SPOCK1: variants seen among roughly 807,000 people sequenced by gnomAD.
The protein encoded by SPOCK1 is testican-1.
A neutral mutation model predicts 55.3 loss-of-function variants in SPOCK1; 23 were observed. The observed-to-expected ratio is 0.42, with a 90% CI of 0.30 to 0.59. The LOEUF is 0.59. Among genes scored for constraint, SPOCK1 ranks in the 20% least tolerant of loss-of-function variants. The probability of loss-of-function intolerance (pLI) is 0.22; values close to 1 mark genes in which losing one functional copy is unlikely to be tolerated. For synonymous variants in SPOCK1, 226 were observed against 221.0 expected (o/e 1.02, Z -0.20); for missense variants, 499 against 552.5 (o/e 0.90, Z 0.97).
intron 2 of SPOCK1, among the ~76,000 whole-genome samples, chr5:137,462,027 T>A (rs574640638): frequency 1.3e-5 from 2 of 152,228 alleles, no homozygotes; most frequent in African/African-American, 4.8e-5. Context: ...ACTCAAGCCA[T>A]GACCCTCTGA....
intron 2 of SPOCK1, among the ~76,000 whole-genome samples, chr5:137,383,466 GA>G (rs1580896289): frequency 6.6e-6 from 1 of 152,162 alleles, no homozygotes; most frequent in African/African-American, 2.4e-5. Flanking sequence ...GATTTGTGGG[GA>G]AACTTTAGAA....
intron 2 of SPOCK1, among the ~76,000 whole-genome samples, chr5:137,454,127 T>C (rs1441358634): frequency 6.6e-6 from 1 of 152,116 alleles, no homozygotes; most frequent in Admixed American, 6.5e-5. Context: ...TGAAGATAAA[T>C]CTCTACAGGA....
At chr5:137,192,048 A>G (rs1311998296) in intron 3 of SPOCK1, among the ~76,000 whole-genome samples, 2 of 151,966 alleles carry the variant, frequency 1.3e-5, no homozygotes, top group East Asian at 3.9e-4. Flanking sequence ...CAGCCTAGTC[A>G]ACACAGTGAA....
intron 2 of SPOCK1, among the ~76,000 whole-genome samples, chr5:137,392,551 C>T (rs73298728): frequency 0.019 from 2,859 of 152,320 alleles, 89 homozygotes; most frequent in African/African-American, 0.064. Context: ...AGACTGACTG[C>T]ATGGGTTCAC....
intron 2 of SPOCK1, among the ~76,000 whole-genome samples, chr5:137,355,012 C>T (rs755618799): frequency 6.6e-6 from 1 of 152,024 alleles, no homozygotes; most frequent in Non-Finnish European, 1.5e-5. Flanking sequence ...AAGTGATTCT[C>T]GTGCCTCAGC....
chr5:137,391,104 G>C (rs2127179278), intron 2 of SPOCK1, among the ~76,000 whole-genome samples: 1 of 152,068 alleles, frequency 6.6e-6, no homozygotes, highest in Middle Eastern at 3.4e-3. Context: ...CGCCCTCCCT[G>C]ACGTTTCTCA....
chr5:137,059,123 G>A (rs1215110676), intron 6 of SPOCK1, among the ~76,000 whole-genome samples: 1 of 90,710 alleles, frequency 1.1e-5, no homozygotes, highest in African/African-American at 3.5e-5. Flanking sequence ...TATAATACAA[G>A]ACAAGGATGT....
chr5:136,989,665 C>T (rs1040506563), intron 7 of SPOCK1, among the ~76,000 whole-genome samples: 2 of 152,050 alleles, frequency 1.3e-5, no homozygotes, highest in East Asian at 1.9e-4. Context: ...ATTCAGACCC[C>T]GGCAAGCTTA....
At chr5:137,030,213 C>G (rs1221013130) in intron 6 of SPOCK1, among the ~76,000 whole-genome samples, 1 of 152,246 alleles carries the variant, frequency 6.6e-6, no homozygotes, top group Non-Finnish European at 1.5e-5. Flanking sequence ...CCTGCCACTC[C>G]TGGGGATAAC....
At chr5:137,428,996 A>T (rs1163546556) in intron 2 of SPOCK1, among the ~76,000 whole-genome samples, 2 of 152,198 alleles carry the variant, frequency 1.3e-5, no homozygotes. Flanking sequence ...TTACAGACTT[A>T]CATCTGATGA....
intron 3 of SPOCK1, among the ~76,000 whole-genome samples, chr5:137,214,758 T>C (rs968904840): frequency 6.6e-6 from 1 of 152,198 alleles, no homozygotes; most frequent in Non-Finnish European, 1.5e-5. Context: ...GGAAACTATA[T>C]TTGAGCTGAA....
Position 137,473,875 on chromosome 5 carries a change from T to G in SPOCK1, c.186+24498A>C, listed in dbSNP as rs1047193580. Among the ~76,000 whole-genome samples the G allele has an allele frequency of 5.3e-5, 8 of 152,200 alleles. No homozygotes were observed. The East Asian group carries it at 1.3e-3, about 26-fold the overall frequency. On this transcript the variant is annotated intron_variant, in intron 2 of 10. Coordinates refer to ENST00000394945, the MANE Select transcript of SPOCK1 (RefSeq NM_004598.4). ...TCAATCAATTAGTGGATAAAGAAACTGTGGTGTATATATACGATGGAATAC... is the reference window on the plus strand; with the variant it reads ...TCAATCAATTAGTGGATAAAGAAACGGTGGTGTATATATACGATGGAATAC...
At chr5:137,032,318 T>A (rs900842893) in intron 6 of SPOCK1, among the ~76,000 whole-genome samples, 3 of 152,080 alleles carry the variant, frequency 2.0e-5, no homozygotes, top group African/African-American at 7.2e-5. Flanking sequence ...GAAAAGAGGA[T>A]TCTCAGGTTT....
intron 2 of SPOCK1, among the ~76,000 whole-genome samples, chr5:137,470,256 C>T (rs1753708262): frequency 6.6e-6 from 1 of 152,200 alleles, no homozygotes; most frequent in Non-Finnish European, 1.5e-5. Context: ...CTGTGTCTCC[C>T]TGTGGCACTG....
chr5:137,204,632 A>AGGGCAAGTTGCCCCTAGGGCAAGTTG (rs1561470891), intron 3 of SPOCK1, among the ~76,000 whole-genome samples: 8 of 151,142 alleles, frequency 5.3e-5, no homozygotes, highest in African/African-American at 2.0e-4. Flanking sequence ...TCTAGCACTT[A>AGGGCAAGTTGCCCCTAGGGCAAGTTG]CCCCTAGGGC....
intron 3 of SPOCK1, among the ~76,000 whole-genome samples, chr5:137,212,752 C>T (rs1162872449): frequency 1.3e-5 from 2 of 152,206 alleles, no homozygotes; most frequent in Non-Finnish European, 2.9e-5. Context: ...TTGTGTGTTG[C>T]CAGATTGCTT....
intron 5 of SPOCK1, among the ~76,000 whole-genome samples, chr5:137,078,767 A>G (rs1267559044): frequency 6.6e-6 from 1 of 152,096 alleles, no homozygotes; most frequent in Non-Finnish European, 1.5e-5. Flanking sequence ...TCCTTCCTCC[A>G]TACCCCAAAG....
chr5:137,140,805 C>T, intron 3 of SPOCK1, 111 bp from the exon 4 acceptor site: 2 of 656,124 alleles, frequency 3.0e-6, no homozygotes, highest in Admixed American at 8.2e-5. Flanking sequence ...GTTGCCCAGA[C>T]TGGTGTGCGG....
intron 5 of SPOCK1, among the ~76,000 whole-genome samples, chr5:137,078,252 G>A (rs1752814038): frequency 6.6e-6 from 1 of 152,170 alleles, no homozygotes; most frequent in South Asian, 2.1e-4. Context: ...GATGTTCTGA[G>A]GTGCTGGCAC....
Sources: gnomAD v4.1 joint callset for allele counts (sites outside exome capture counted in the v4.1 genomes callset) on GRCh38, gnomAD v4.1.1 for gene constraint, MANE v1.5 for transcripts, NCBI Gene and HGNC (gene_info 2026-07-23, HGNC 2026-07-21) for gene names.